Variants in SLC25A21 observed in about 807,000 individuals in gnomAD.
The protein encoded by SLC25A21 is solute carrier family 25 member 21.
A neutral mutation model predicts 43.8 loss-of-function variants in SLC25A21; 47 were observed. The ratio of observed to expected loss-of-function variants is 1.07; its 90% confidence interval spans 0.85 to 1.37. The LOEUF is 1.37. Ranked by LOEUF, SLC25A21 falls within the 40% of genes most tolerant of loss-of-function variation. The pLI, the probability that SLC25A21 is intolerant of heterozygous loss-of-function variation, is 0.00. For synonymous variants in SLC25A21, 131 were observed against 121.3 expected, an observed-to-expected ratio of 1.08 and a Z score of -0.52; for missense variants, 352 against 350.2, an observed-to-expected ratio of 1.00 and a Z score of -0.04.
chr14:36,708,257 T>C (rs1359682931), intron 7 of SLC25A21, among the ~76,000 whole-genome samples: 8 of 152,198 alleles, frequency 5.3e-5, no homozygotes, highest in East Asian at 1.9e-4. Flanking sequence ...AAAACTATGA[T>C]GAACAAAATG....
intron 1 of SLC25A21, among the ~76,000 whole-genome samples, chr14:37,007,559 C>T (rs1380999691): frequency 8.8e-5 from 13 of 147,418 alleles, no homozygotes; most frequent in African/African-American, 2.7e-4. Context: ...GCCGAGATCA[C>T]GCCACTGCAC....
intron 6 of SLC25A21, among the ~76,000 whole-genome samples, chr14:36,712,847 G>C (rs1001855722): frequency 1.5e-4 from 23 of 152,100 alleles, no homozygotes; most frequent in African/African-American, 5.6e-4. Flanking sequence ...AGATTTTTTT[G>C]TGTTTCAGCA....
chr14:36,789,944 A>G, intron 3 of SLC25A21, among the ~76,000 whole-genome samples: 1 of 126,908 alleles, frequency 7.9e-6, no homozygotes, highest in Middle Eastern at 3.8e-3. Context: ...ATATAAATAT[A>G]TAATATGTAT....
At chr14:36,885,103 G>A (rs2564847) in intron 1 of SLC25A21, among the ~76,000 whole-genome samples, 121,940 of 151,828 alleles carry the variant, frequency 0.8, 49,632 homozygotes, top group Non-Finnish European at 0.86. Context: ...CAGCTCTTAC[G>A]TTTAAGTCTT....
rs564666171 is a variant in SLC25A21 at position 36,922,137 on chromosome 14, T to TA, written c.71-47134dup. On this transcript the variant is annotated intron_variant, in intron 1 of 9. Transcript: ENST00000331299. Reference sequence around the variant, plus strand: ...CTGGGCAACAGAGCGAGATTCTGCCTAAAAAAAAAAAAAAAATTGTAGTAT... The same window carrying TA: ...CTGGGCAACAGAGCGAGATTCTGCCTAAAAAAAAAAAAAAAAATTGTAGTAT... 5.5e-3 allele frequency among the ~76,000 whole-genome samples: 720 copies of TA among 131,022 alleles called. 2 individuals carry two copies. The highest frequency in any genetic ancestry group is 9.8e-3 in the Admixed American group (127 of 12,916). The allele number at this position is 131,022 out of a possible 152,430, so 86.0% of individuals were successfully genotyped here.
intron 1 of SLC25A21, among the ~76,000 whole-genome samples, chr14:36,992,305 G>A (rs1312303121): frequency 6.6e-6 from 1 of 152,004 alleles, no homozygotes; most frequent in African/African-American, 2.4e-5. Flanking sequence ...CTACTCTGGA[G>A]GCTGAGGTGG....
intron 1 of SLC25A21, among the ~76,000 whole-genome samples, chr14:37,064,242 T>C (rs561427768): frequency 1.3e-5 from 2 of 152,262 alleles, no homozygotes; most frequent in South Asian, 2.1e-4. Flanking sequence ...CAGTGGCCCC[T>C]TGGGTTCTCA....
At chr14:36,934,509 C>T (rs1434258547) in intron 1 of SLC25A21, among the ~76,000 whole-genome samples, 2 of 150,178 alleles carry the variant, frequency 1.3e-5, no homozygotes, top group African/African-American at 4.9e-5. Flanking sequence ...CGGGAATTAA[C>T]TCTTCATTTA....
chr14:37,027,392 T>C (rs564170762), intron 1 of SLC25A21, among the ~76,000 whole-genome samples: 7 of 152,300 alleles, frequency 4.6e-5, no homozygotes, highest in Non-Finnish European at 7.4e-5. Flanking sequence ...TCTGCTACTA[T>C]AGAAACTCAA....
intron 1 of SLC25A21, among the ~76,000 whole-genome samples, chr14:37,066,114 G>A (rs534504089): frequency 4.6e-5 from 7 of 152,174 alleles, no homozygotes; most frequent in African/African-American, 1.2e-4. Context: ...TAACTTAACC[G>A]ATTCATCAGA....
intron 1 of SLC25A21, among the ~76,000 whole-genome samples, chr14:37,007,507 G>A (rs1424358407): frequency 1.3e-5 from 2 of 151,542 alleles, no homozygotes; most frequent in Non-Finnish European, 2.9e-5. Context: ...GGAGGCTGAG[G>A]CAGGAGAATA....
At chr14:36,901,754 TA>T (rs1178377100) in intron 1 of SLC25A21, among the ~76,000 whole-genome samples, 1 of 152,182 alleles carries the variant, frequency 6.6e-6, no homozygotes, top group Non-Finnish European at 1.5e-5. Flanking sequence ...AAGTAAAAAT[TA>T]CTCCCAAGGA....
chr14:37,030,407 C>G (rs1199528154), intron 1 of SLC25A21, among the ~76,000 whole-genome samples: 2 of 152,100 alleles, frequency 1.3e-5, no homozygotes, highest in Non-Finnish European at 2.9e-5. Flanking sequence ...CTCTCTCTAG[C>G]TCTCAGTTAC....
chr14:36,956,231 G>A (rs12889098), intron 1 of SLC25A21, among the ~76,000 whole-genome samples: 18 of 151,992 alleles, frequency 1.2e-4, no homozygotes, highest in South Asian at 8.3e-4. Flanking sequence ...TCCTTTCCCC[G>A]TCTGCTCTGG....
intron 3 of SLC25A21, among the ~76,000 whole-genome samples, chr14:36,772,129 T>A (rs1461596946): frequency 6.6e-6 from 1 of 152,208 alleles, no homozygotes; most frequent in Non-Finnish European, 1.5e-5. Context: ...ACAGGCCATA[T>A]GGACTCTGTC....
At chr14:36,779,487 T>G (rs10132678) in intron 3 of SLC25A21, among the ~76,000 whole-genome samples, 38 of 144,180 alleles carry the variant, frequency 2.6e-4, no homozygotes, top group South Asian at 1.9e-3. Context: ...ATATATATAA[T>G]AATAAACATA....
chr14:36,728,971 A>G (rs924008583), intron 5 of SLC25A21, among the ~76,000 whole-genome samples: 4 of 152,216 alleles, frequency 2.6e-5, no homozygotes, highest in Non-Finnish European at 5.9e-5. Flanking sequence ...CAAATCACCA[A>G]GTGAATTTTG....
At chr14:36,805,944 G>T (rs1205269743) in intron 3 of SLC25A21, among the ~76,000 whole-genome samples, 7 of 152,130 alleles carry the variant, frequency 4.6e-5, no homozygotes, top group African/African-American at 1.7e-4. Context: ...GCTGGGTGCA[G>T]TAGCTCACAC....
At chr14:37,091,837 G>T (rs1468412873) in intron 1 of SLC25A21, among the ~76,000 whole-genome samples, 1 of 152,074 alleles carries the variant, frequency 6.6e-6, no homozygotes, top group Admixed American at 6.6e-5. Context: ...CCCTCACTAA[G>T]CAAGGGTCAG....
Sources: gnomAD v4.1 joint callset for allele counts (sites outside exome capture counted in the v4.1 genomes callset) on GRCh38, gnomAD v4.1.1 for gene constraint, MANE v1.5 for transcripts, NCBI Gene and HGNC (gene_info 2026-07-23, HGNC 2026-07-21) for gene names.